The following NDST1 variants were observed in gnomAD, a reference collection of about 807,000 sequenced individuals.
The protein encoded by NDST1 is N-deacetylase and N-sulfotransferase 1, also known as bifunctional heparan sulfate N-deacetylase/N-sulfotransferase 1.
NDST1 carries 35 observed loss-of-function variants against 92.8 expected under a neutral mutation model. That is an observed-to-expected ratio of 0.38 (90% CI 0.29 to 0.50). The LOEUF (loss-of-function observed/expected upper bound fraction) is 0.50, where lower values mean the gene tolerates loss of function less well. NDST1 is among the 20% of genes least tolerant of loss of function. NDST1 has a pLI of 0.94. For missense variants in NDST1, 822 were observed against 1,182.7 expected (o/e 0.69, Z 4.47); for synonymous variants, 493 against 500.3 (o/e 0.99, Z 0.19).
At chr5:150,511,788 T>C (rs1380799811) in intron 1 of NDST1, among the ~76,000 whole-genome samples, 3 of 152,102 alleles carry the variant, frequency 2.0e-5, no homozygotes, top group Non-Finnish European at 4.4e-5. Context: ...GATTTGCTTC[T>C]GGTCTCGGCC....
chr5:150,510,068 G>A (rs778714345), intron 1 of NDST1, among the ~76,000 whole-genome samples: 1 of 151,992 alleles, frequency 6.6e-6, no homozygotes, highest in Non-Finnish European at 1.5e-5. Context: ...CTGTGGGGTG[G>A]GCTGGGAGGG....
At chr5:150,528,381 C>G in intron 3 of NDST1, 83 bp downstream of exon 3, 1 of 1,436,790 alleles carries the variant, frequency 7.0e-7, no homozygotes, top group Non-Finnish European at 9.4e-7. Context: ...TGGGTGTGCC[C>G]TGTCTGCATC....
At chr5:150,505,786 T>G (rs1057044361), upstream of NDST1, among the ~76,000 whole-genome samples, 1 of 152,176 alleles carries the variant, frequency 6.6e-6, no homozygotes, top group Admixed American at 6.5e-5. Flanking sequence ...TTTTAAAATT[T>G]TATTTTTTTT....
intron 7 of NDST1, 116 bp downstream of exon 7, chr5:150,539,472 G>T: frequency 6.3e-7 from 1 of 1,595,968 alleles, no homozygotes; most frequent in South Asian, 1.1e-5. Flanking sequence ...GTGAGTGCCT[G>T]GCAGTTGGGA....
intron 4 of NDST1, 52 bp from the exon 5 acceptor site, chr5:150,534,815 T>TA: frequency 6.2e-7 from 1 of 1,609,172 alleles, no homozygotes. Context: ...AGGCCCAGGT[T>TA]AGAGGGCCTC....
At chr5:150,527,597 A>G (rs1051275581) in intron 2 of NDST1, among the ~76,000 whole-genome samples, 26 of 152,242 alleles carry the variant, frequency 1.7e-4, no homozygotes, top group Non-Finnish European at 3.1e-4. Flanking sequence ...CAAAGTGCAC[A>G]GCACCTAGTG....
At chr5:150,513,259 G>A (rs1753804755) in intron 1 of NDST1, among the ~76,000 whole-genome samples, 1 of 152,062 alleles carries the variant, frequency 6.6e-6, no homozygotes, top group Non-Finnish European at 1.5e-5. Flanking sequence ...GGGAGGCCGA[G>A]GCAGGTGGAT....
chr5:150,513,517 C>G (rs997218334), intron 1 of NDST1, among the ~76,000 whole-genome samples: 2 of 152,170 alleles, frequency 1.3e-5, no homozygotes, highest in African/African-American at 4.8e-5. Flanking sequence ...CAGGCTAGCT[C>G]CAGTCTCGGC....
At chr5:150,547,873 C>T (rs1317278259) in intron 11 of NDST1, among the ~76,000 whole-genome samples, 10 of 152,176 alleles carry the variant, frequency 6.6e-5, no homozygotes, top group Admixed American at 2.0e-4. Context: ...TTAGTAGAGA[C>T]GGGGTTTCGC....
At chr5:150,513,917 G>C (rs549436598) in intron 1 of NDST1, among the ~76,000 whole-genome samples, 17 of 152,348 alleles carry the variant, frequency 1.1e-4, no homozygotes, top group African/African-American at 4.1e-4. Flanking sequence ...GGTATTTCCC[G>C]AAAGTGCAGC....
chr5:150,534,989 G>A lies in NDST1; in HGVS notation c.1219G>A (p.Glu407Lys), dbSNP rs920466423. 31 of 1,614,146 alleles carry A rather than the reference G, an allele frequency of 1.9e-5. No homozygotes were observed. The highest frequency in any genetic ancestry group is 8.9e-5 in the East Asian group (4 of 44,904). ...TTTCCACAACCAGTCCGTGTTGGCC[G>A]AGCAGATGGCCTTGAACAAGAAGTT... ...HLFHNQSVLA[E>K]QMALNKKFAV... The change falls in exon 5 of 15, where the codon GAG becomes AAG. Residue 407 changes from glutamate to lysine, a missense_variant. Physicochemically the swap from Glu to Lys is moderately conservative, Grantham distance 56 (BLOSUM62 1). Transcript: ENST00000261797.
At chr5:150,529,494 C>T (rs1369285494) in intron 3 of NDST1, among the ~76,000 whole-genome samples, 5 of 149,380 alleles carry the variant, frequency 3.3e-5, no homozygotes, top group Non-Finnish European at 3.0e-5. Flanking sequence ...TTGTGAGAAA[C>T]AGCCTACAAA....
intron 10 of NDST1, among the ~76,000 whole-genome samples, chr5:150,544,183 G>T (rs1346704489): frequency 1.3e-5 from 2 of 152,202 alleles, no homozygotes; most frequent in Non-Finnish European, 2.9e-5. Flanking sequence ...AGGTAATGTG[G>T]TGCGAAACCA....
chr5:150,539,954 C>G (rs1025765377), intron 7 of NDST1, 128 bp from the exon 8 acceptor site: 3 of 1,323,370 alleles, frequency 2.3e-6, no homozygotes, highest in Admixed American at 2.0e-5. Context: ...GTTGACAGCG[C>G]CAGCGTAACT....
At chr5:150,518,657 T>A (rs1754095655) in intron 1 of NDST1, 1 of 152,250 alleles carries the variant, frequency 6.6e-6, no homozygotes, top group South Asian at 2.1e-4. Context: ...ACGTACAAAC[T>A]GTTTTATAAA....
At position 150,531,500 on chromosome 5, in the gene NDST1, C is replaced by CTTTTTTTTTT. The variant is rs35747232; in HGVS notation, c.1009-1437_1009-1428dup. Reference sequence around the variant, plus strand: ...ACAGGTTTCTTTTTTCTTTTTCTCTCTTTTTTTTTTTTTTTTTGAGATGGA... The same window carrying CTTTTTTTTTT: ...ACAGGTTTCTTTTTTCTTTTTCTCTCTTTTTTTTTTTTTTTTTTTTTTTTTTTGAGATGGA... On this transcript the variant is annotated intron_variant, in intron 3 of 14. Coordinates refer to ENST00000261797, the MANE Select transcript of NDST1 (RefSeq NM_001543.5). 2.3e-5 allele frequency among the ~76,000 whole-genome samples: 3 copies of CTTTTTTTTTT among 131,136 alleles called. No homozygotes were observed. The East Asian group carries it at 6.7e-4, about 29-fold the overall frequency. 86.0% of individuals were successfully genotyped at this position (131,136 alleles called of 152,430 possible).
At chr5:150,498,355 G>A (rs1402049251) in intron 1 of NDST1, 1 of 152,218 alleles carries the variant, frequency 6.6e-6, no homozygotes, top group Non-Finnish European at 1.5e-5. Context: ...CCTCGTGCTT[G>A]GTACAAAGTA....
At chr5:150,543,702 C>T (rs1755349010) in intron 10 of NDST1, among the ~76,000 whole-genome samples, 1 of 152,196 alleles carries the variant, frequency 6.6e-6, no homozygotes, top group Non-Finnish European at 1.5e-5. Flanking sequence ...CCTTTTTAAA[C>T]CTTGTCCATG....
chr5:150,554,051 T>C lies in NDST1; in HGVS notation c.*719T>C, dbSNP rs971700386. ...CCCCTTTCTTCCCCCTGGGATATGA[T>C]GTGTGGTGTTTCCTGTGGTAAAAGA... is the stretch of plus-strand genomic sequence containing the variant. On this transcript the variant is annotated 3_prime_UTR_variant, in exon 15 of 15. Coordinates refer to ENST00000261797, the MANE Select transcript of NDST1 (RefSeq NM_001543.5). The C allele has an allele frequency of 4.9e-6, 2 of 406,624 alleles. No homozygotes were observed. The highest frequency in any genetic ancestry group is 4.1e-5 in the African/African-American group (2 of 48,830). 25.2% of individuals were successfully genotyped at this position (406,624 alleles called of 1,614,324 possible). A position where few individuals can be genotyped will look rare whatever the true frequency, so the allele number is the denominator to read the frequency against.
Sources: gnomAD v4.1 joint callset for allele counts (sites outside exome capture counted in the v4.1 genomes callset) on GRCh38, gnomAD v4.1.1 for gene constraint, MANE v1.5 for transcripts, NCBI Gene and HGNC (gene_info 2026-07-23, HGNC 2026-07-21) for gene names.